The following CACNA1C variants were observed in gnomAD, a reference collection of about 807,000 sequenced individuals.
CACNA1C encodes the protein voltage-dependent L-type calcium channel subunit alpha-1C.
A neutral mutation model predicts 229.0 loss-of-function variants in CACNA1C; 30 were observed. That is an observed-to-expected ratio of 0.13 (90% CI 0.10 to 0.18). The LOEUF (loss-of-function observed/expected upper bound fraction) is 0.18. Ranked by LOEUF, CACNA1C falls within the 10% of genes least tolerant of loss-of-function variation. CACNA1C has a pLI of 1.00. For missense variants in CACNA1C, 1,658 were observed against 2,845.0 expected (o/e 0.58, Z 9.49); for synonymous variants, 1,114 against 1,132.5 (o/e 0.98, Z 0.33).
intron 37 of CACNA1C, among the ~76,000 whole-genome samples, chr12:2,668,024 G>GTGTC (rs2096315504): frequency 6.6e-6 from 1 of 152,342 alleles, no homozygotes; most frequent in Admixed American, 6.5e-5. Context: ...GCACTATCCA[G>GTGTC]TGTCAGCAAG....
intron 3 of CACNA1C, among the ~76,000 whole-genome samples, chr12:2,204,239 A>G (rs1332783080): frequency 6.6e-6 from 1 of 152,062 alleles, no homozygotes; most frequent in Non-Finnish European, 1.5e-5. Context: ...TCTTGGCTGC[A>G]TAAATGTCTT....
At chr12:2,680,231 A>C in intron 42 of CACNA1C, 2 of 628,782 alleles carry the variant, frequency 3.2e-6, no homozygotes, top group African/African-American at 2.1e-5. Context: ...CGGAGAGGGC[A>C]TCCCCTGTGG....
chr12:2,601,940 C>T lies in CACNA1C; in HGVS notation c.2940C>T (p.Ser980=). The change falls in exon 22 of 47, where the codon TCC becomes TCT. Residue 980 remains serine (S), a synonymous_variant. Transcript: ENST00000399655. The surrounding 1 kb of genome is among the most constrained non-coding windows in gnomAD (Gnocchi z 5.9). ...NILDLLVVSV[S]LISFGIQSSA... ...TGGACCTGCTGGTGGTCAGCGTGTC[C>T]CTCATCTCCTTTGGCATCCAGTGAG... 9 of 1,612,410 alleles carry T rather than the reference C, an allele frequency of 5.6e-6. No individual in the cohort carries two copies. Among genetic ancestry groups the T allele is most frequent in the Non-Finnish European group, 6.8e-6 (8 of 1,178,452 alleles).
chr12:2,596,937 A>G (rs1008129219), intron 20 of CACNA1C, among the ~76,000 whole-genome samples: 1 of 152,186 alleles, frequency 6.6e-6, no homozygotes, highest in Admixed American at 6.5e-5. Flanking sequence ...GCATCCAACC[A>G]GATGCTGCTC....
At chr12:2,465,809 G>T (rs1281574847) in intron 5 of CACNA1C, among the ~76,000 whole-genome samples, 3 of 152,126 alleles carry the variant, frequency 2.0e-5, no homozygotes, top group African/African-American at 7.2e-5. Flanking sequence ...GCAGAGCTGA[G>T]GTCAGAGCCA....
rs530819016 is a variant in CACNA1C, at chr12:2,538,009, C to G, written c.1391-11934C>G. Among the ~76,000 whole-genome samples the G allele has an allele frequency of 1.7e-3, 265 of 152,032 alleles. 4 individuals are homozygous for G. Among genetic ancestry groups the G allele is most frequent in the African/African-American group, 6.1e-3 (255 of 41,488 alleles). ...CTCCCCGCCAACCCGGCAGCAATAACCAAGGCAGCCTGATAGACTCCGTGG... is the reference window on the plus strand; with the variant it reads ...CTCCCCGCCAACCCGGCAGCAATAAGCAAGGCAGCCTGATAGACTCCGTGG... On this transcript the variant is annotated intron_variant, in intron 9 of 46. Coordinates refer to ENST00000399655, the MANE Select transcript of CACNA1C (RefSeq NM_000719.7).
chr12:2,522,367 T>C (rs979909455), intron 9 of CACNA1C, among the ~76,000 whole-genome samples: 8 of 152,210 alleles, frequency 5.3e-5, no homozygotes, highest in Non-Finnish European at 1.0e-4. Context: ...TTGAATTGAA[T>C]TCTCTTCGGA....
chr12:2,207,388 C>A (rs10848637), intron 3 of CACNA1C, among the ~76,000 whole-genome samples: 51,812 of 152,028 alleles, frequency 0.34, 9,310 homozygotes, highest in South Asian at 0.39. Flanking sequence ...TGTGATAGTT[C>A]TACTATATAA....
At chr12:2,576,232 C>A (rs1413949703) in intron 13 of CACNA1C, among the ~76,000 whole-genome samples, 1 of 152,078 alleles carries the variant, frequency 6.6e-6, no homozygotes, top group Non-Finnish European at 1.5e-5. Context: ...AGCAGGGACG[C>A]ACAGTTTGGA....
Position 2,053,214 on chromosome 12 carries a change from C to A in CACNA1C, c.-349C>A. 9.9e-7 allele frequency: 1 copy of A among 1,012,646 alleles called. No homozygotes were observed. Among genetic ancestry groups the A allele is most frequent in the South Asian group, 4.2e-5 (1 of 23,616 alleles). The allele number at this position is 1,012,646 out of a possible 1,614,324, so 62.7% of individuals were successfully genotyped here. A position where few individuals can be genotyped will look rare whatever the true frequency, so the allele number is the denominator to read the frequency against. ...GGCGGGCCCCGCGCGCCCCCCGCCC[C>A]TCCTCTCCGCCTCTTCTCGCCCTGC... On this transcript the variant is annotated 5_prime_UTR_variant, in exon 1 of 47. Coordinates refer to ENST00000399655, the MANE Select transcript of CACNA1C (RefSeq NM_000719.7). The surrounding 1 kb of genome is among the most constrained non-coding windows in gnomAD (Gnocchi z 5.8).
chr12:2,652,960 C>G (rs1057200854), intron 32 of CACNA1C, among the ~76,000 whole-genome samples: 1 of 152,236 alleles, frequency 6.6e-6, no homozygotes, highest in African/African-American at 2.4e-5. Flanking sequence ...CTGATGGCGG[C>G]GCAGGCGTTC....
intron 3 of CACNA1C, among the ~76,000 whole-genome samples, chr12:2,438,224 G>T (rs1345199762): frequency 6.7e-6 from 1 of 148,328 alleles, no homozygotes; most frequent in Admixed American, 6.7e-5. Context: ...GGTGGTGGTG[G>T]TTGTGATGGT....
At chr12:2,322,231 A>G (rs569459672) in intron 3 of CACNA1C, among the ~76,000 whole-genome samples, 19 of 152,344 alleles carry the variant, frequency 1.2e-4, no homozygotes, top group East Asian at 3.9e-4. Context: ...TCTGCCTACA[A>G]GGTGAATCGG....
chr12:1,998,027 A>G (rs1308201477), intron 1 of CACNA1C: 3 of 1,509,554 alleles, frequency 2.0e-6, no homozygotes, highest in Non-Finnish European at 2.7e-6. Flanking sequence ...TTCAATTCAC[A>G]AAGGTATAAA....
chr12:2,477,785 A>G (rs937977590), intron 5 of CACNA1C, among the ~76,000 whole-genome samples: 2 of 152,150 alleles, frequency 1.3e-5, no homozygotes, highest in East Asian at 1.9e-4. Flanking sequence ...TCTTCAGCCT[A>G]GTGGTGCTAA....
At chr12:2,115,800 T>G (rs1206275846) in intron 2 of CACNA1C, among the ~76,000 whole-genome samples, 1 of 152,218 alleles carries the variant, frequency 6.6e-6, no homozygotes, top group Non-Finnish European at 1.5e-5. Context: ...TGGGTTTTTG[T>G]TTTTTGTTTT....
At chr12:2,611,803 C>G (rs2153455442) in intron 28 of CACNA1C, 100 bp from the exon 29 acceptor site, 1 of 706,644 alleles carries the variant, frequency 1.4e-6, no homozygotes, top group East Asian at 2.7e-5. Flanking sequence ...CAAGGAAGGT[C>G]TTGCTGAGGC....
chr12:2,189,014 A>G (rs1352025018), intron 3 of CACNA1C, among the ~76,000 whole-genome samples: 2 of 148,178 alleles, frequency 1.3e-5, no homozygotes, highest in East Asian at 4.1e-4. Flanking sequence ...AATGGTGTGA[A>G]CCCAGGAGGC....
chr12:2,183,124 C>T (rs767157978), intron 3 of CACNA1C, among the ~76,000 whole-genome samples: 6 of 152,260 alleles, frequency 3.9e-5, no homozygotes, highest in Admixed American at 1.3e-4. Flanking sequence ...CCTCCCATCT[C>T]GGCCTCCCAA....
Sources: allele counts gnomAD v4.1 joint callset (sites outside exome capture counted in the v4.1 genomes callset), GRCh38; gene constraint gnomAD v4.1.1; non-coding constraint Gnocchi (gnomAD v3.1); transcripts MANE v1.5; gene names NCBI Gene and HGNC (gene_info 2026-07-23, HGNC 2026-07-21).